Variants in LTBP1 observed in about 807,000 individuals in gnomAD.
The protein encoded by LTBP1 is latent-transforming growth factor beta-binding protein 1.
A neutral mutation model predicts 207.6 loss-of-function variants in LTBP1; 129 were observed. The observed-to-expected ratio is 0.62, with a 90% confidence interval of 0.54 to 0.72. The LOEUF (loss-of-function observed/expected upper bound fraction) is 0.72. LTBP1 is among the 30% of genes least tolerant of loss of function. The pLI, the probability that LTBP1 is intolerant of heterozygous loss-of-function variation, is 0.00. For missense variants in LTBP1, 2,281 were observed against 2,217.2 expected (o/e 1.03, Z -0.58); for synonymous variants, 963 against 833.7 (o/e 1.16, Z -2.67).
rs940559971 is a variant in LTBP1, at chr2:33,076,824, C to T, written c.864-33758C>T. 5.1e-4 allele frequency among the ~76,000 whole-genome samples: 14 copies of T among 27,320 alleles called. No homozygotes were observed. In the Non-Finnish European group the frequency reaches 0.01, roughly 20 times the overall value. 17.9% of individuals were successfully genotyped at this position (27,320 alleles called of 152,430 possible). On this transcript the variant is annotated intron_variant, in intron 3 of 33. Transcript: ENST00000404816. Reference sequence around the variant, plus strand: ...TACTGGGATTACAGGCATGAGCCACCGCGCCCAGACCCTAATGTCTCATCT... The same window carrying T: ...TACTGGGATTACAGGCATGAGCCACTGCGCCCAGACCCTAATGTCTCATCT...
chr2:33,117,214 A>T (rs1210491502), intron 4 of LTBP1, among the ~76,000 whole-genome samples: 10 of 152,216 alleles, frequency 6.6e-5, no homozygotes. Flanking sequence ...ATAGTTCCAC[A>T]CTAAGAGAAG....
chr2:33,347,537 G>T, intron 26 of LTBP1, 27 bp downstream of exon 26: 1 of 1,613,162 alleles, frequency 6.2e-7, no homozygotes, highest in South Asian at 1.1e-5. Flanking sequence ...CTGTGCAAGG[G>T]AATGACAGGC....
intron 2 of LTBP1, among the ~76,000 whole-genome samples, chr2:32,981,438 T>C (rs1252153126): frequency 6.6e-6 from 1 of 152,220 alleles, no homozygotes; most frequent in Non-Finnish European, 1.5e-5. Context: ...CTTTGTGATC[T>C]CACTTTTGCT....
At chr2:33,383,056 T>C (rs2095234159) in intron 31 of LTBP1, among the ~76,000 whole-genome samples, 1 of 152,154 alleles carries the variant, frequency 6.6e-6, no homozygotes, top group Non-Finnish European at 1.5e-5. Context: ...TAATTTCATT[T>C]AAAGAAAAGT....
intron 32 of LTBP1, among the ~76,000 whole-genome samples, chr2:33,394,827 T>G (rs1173133658): frequency 1.3e-5 from 2 of 152,218 alleles, no homozygotes; most frequent in East Asian, 3.8e-4. Flanking sequence ...AGTAGTTTTT[T>G]CCAATTCCGT....
chr2:33,235,432 G>A (rs948299242), intron 9 of LTBP1, among the ~76,000 whole-genome samples: 1 of 152,150 alleles, frequency 6.6e-6, no homozygotes, highest in Admixed American at 6.5e-5. Flanking sequence ...TGGAGAAATA[G>A]GAACGTTTTT....
chr2:33,181,127 G>A (rs1465902114), intron 5 of LTBP1, among the ~76,000 whole-genome samples: 1 of 152,198 alleles, frequency 6.6e-6, no homozygotes, highest in African/African-American at 2.4e-5. Flanking sequence ...GGGTGGAGTG[G>A]CCAGGACCCT....
intron 6 of LTBP1, among the ~76,000 whole-genome samples, chr2:33,187,286 G>T (rs994378589): frequency 2.0e-5 from 3 of 152,146 alleles, no homozygotes; most frequent in African/African-American, 7.2e-5. Context: ...TTAGTGTCTA[G>T]GAAATAAGAA....
intron 31 of LTBP1, among the ~76,000 whole-genome samples, chr2:33,388,133 A>T (rs1384381699): frequency 1.3e-5 from 2 of 152,178 alleles, no homozygotes; most frequent in Non-Finnish European, 2.9e-5. Context: ...AGAGCCTGGG[A>T]TCATGAAAAG....
At chr2:33,261,055 G>A (rs981165878) in intron 13 of LTBP1, among the ~76,000 whole-genome samples, 1 of 152,316 alleles carries the variant, frequency 6.6e-6, no homozygotes, top group Admixed American at 6.5e-5. Context: ...ATGTGCAAAG[G>A]TGTGGTAGAG....
intron 2 of LTBP1, among the ~76,000 whole-genome samples, chr2:32,964,745 C>T (rs568118691): frequency 6.7e-6 from 1 of 150,186 alleles, no homozygotes; most frequent in South Asian, 2.1e-4. Flanking sequence ...AAATTTATGT[C>T]AAAAATATTT....
Position 33,158,158 on chromosome 2 carries a change from A to G in LTBP1, c.1201+23198A>G, listed in dbSNP as rs945141985. ...GTCTCAAAAAAAAAACAAAAAAAAA[A>G]AAAAAAAGAGAGAGAGAGAGAATAT... On this transcript the variant is annotated intron_variant, in intron 5 of 33. Coordinates refer to ENST00000404816, the MANE Select transcript of LTBP1 (RefSeq NM_206943.4). Among the ~76,000 whole-genome samples, 7 of 139,216 alleles carry G rather than the reference A, an allele frequency of 5.0e-5. No homozygotes were observed. The East Asian group carries it at 1.2e-3, about 24-fold the overall frequency. 91.3% of individuals were successfully genotyped at this position (139,216 alleles called of 152,430 possible).
At chr2:33,278,005 TC>T (rs2093481431) in intron 18 of LTBP1, among the ~76,000 whole-genome samples, 1 of 151,196 alleles carries the variant, frequency 6.6e-6, no homozygotes, top group African/African-American at 2.4e-5. Flanking sequence ...AATTTTTTTT[TC>T]TATTTTTAGT....
chr2:33,083,254 C>T (rs1021260389), intron 3 of LTBP1, among the ~76,000 whole-genome samples: 7 of 151,858 alleles, frequency 4.6e-5, no homozygotes, highest in Admixed American at 1.3e-4. Flanking sequence ...AGGTCATACC[C>T]GTCTCTCAAG....
At chr2:33,263,733 C>T (rs1189128573) in intron 15 of LTBP1, among the ~76,000 whole-genome samples, 1 of 151,790 alleles carries the variant, frequency 6.6e-6, no homozygotes, top group Non-Finnish European at 1.5e-5. Flanking sequence ...GCAGGCAGAT[C>T]ACAAGGTCAA....
At chr2:33,389,848 C>T (rs1574131249) in intron 32 of LTBP1, among the ~76,000 whole-genome samples, 1 of 152,280 alleles carries the variant, frequency 6.6e-6, no homozygotes. Flanking sequence ...CCATGTTGGT[C>T]AGGCTCTTCT....
At chr2:33,098,587 C>T (rs2079527840) in intron 3 of LTBP1, among the ~76,000 whole-genome samples, 1 of 151,976 alleles carries the variant, frequency 6.6e-6, no homozygotes, top group Admixed American at 6.6e-5. Flanking sequence ...CGCATGCCAC[C>T]ACACCCAGTG....
chr2:33,252,236 T>G (rs772295875), intron 10 of LTBP1, among the ~76,000 whole-genome samples: 4 of 152,200 alleles, frequency 2.6e-5, no homozygotes, highest in Non-Finnish European at 5.9e-5. Flanking sequence ...GAGGCTGGCT[T>G]GCAGCATCAG....
At chr2:33,368,118 A>G (rs1256588336) in intron 31 of LTBP1, among the ~76,000 whole-genome samples, 1 of 152,112 alleles carries the variant, frequency 6.6e-6, no homozygotes, top group Non-Finnish European at 1.5e-5. Context: ...GAGGCAGGAG[A>G]ATAGCTTGAA....
Sources: allele counts gnomAD v4.1 joint callset (sites outside exome capture counted in the v4.1 genomes callset), GRCh38; gene constraint gnomAD v4.1.1; transcripts MANE v1.5; gene names NCBI Gene and HGNC (gene_info 2026-07-23, HGNC 2026-07-21).